CCDC88A: variants seen among roughly 807,000 people sequenced by gnomAD.
CCDC88A encodes girdin.
Under a neutral mutation model 234.3 loss-of-function variants are expected in CCDC88A, and 54 were observed. The ratio of observed to expected loss-of-function variants is 0.23; its 90% confidence interval spans 0.19 to 0.29. The LOEUF (loss-of-function observed/expected upper bound fraction) is 0.29. CCDC88A is among the 10% of genes least tolerant of loss of function. The pLI is 1.00. For missense variants in CCDC88A, 1,832 were observed against 2,123.4 expected (o/e 0.86, Z 2.70); for synonymous variants, 753 against 737.8 (o/e 1.02, Z -0.33).
chr2:55,309,604 G>A lies in CCDC88A; in HGVS notation c.4080-350C>T, dbSNP rs545843976. Among the ~76,000 whole-genome samples the A allele has an allele frequency of 5.3e-5, 8 of 152,034 alleles. No individual in the cohort carries two copies. Among genetic ancestry groups the A allele is most frequent in the Non-Finnish European group, 1.2e-4 (8 of 67,994 alleles). Reference sequence around the variant, plus strand: ...TTTTCTTTTCGGCAGAATTACTTAGGTTTGATTTACTTGTAGAGAACCATT... The same window carrying A: ...TTTTCTTTTCGGCAGAATTACTTAGATTTGATTTACTTGTAGAGAACCATT... On this transcript the variant is annotated intron_variant, in intron 23 of 32. Coordinates refer to ENST00000436346, the MANE Select transcript of CCDC88A (RefSeq NM_001365480.1). This position sits in a 1 kb window ranked among gnomAD's most constrained non-coding sequence, Gnocchi z 5.1.
At chr2:55,351,436 C>A (rs1669874032) in intron 8 of CCDC88A, among the ~76,000 whole-genome samples, 1 of 152,034 alleles carries the variant, frequency 6.6e-6, no homozygotes, top group Non-Finnish European at 1.5e-5. Context: ...CAGCCTTGAC[C>A]TCCTGGTTCA....
At chr2:55,377,481 T>G (rs1269567174) in intron 3 of CCDC88A, among the ~76,000 whole-genome samples, 1 of 151,630 alleles carries the variant, frequency 6.6e-6, no homozygotes, top group East Asian at 1.9e-4. Flanking sequence ...AAATCATAAA[T>G]AAGAGAGCTG....
chr2:55,397,355 A>T (rs560299576), intron 2 of CCDC88A: 1 of 152,180 alleles, frequency 6.6e-6, no homozygotes, highest in Non-Finnish European at 1.5e-5. Flanking sequence ...TTGGCCTCCC[A>T]AAGTGCTGGG....
intron 23 of CCDC88A, among the ~76,000 whole-genome samples, chr2:55,312,040 T>C (rs1682413148): frequency 6.6e-6 from 1 of 152,216 alleles, no homozygotes; most frequent in African/African-American, 2.4e-5. Context: ...TCTCCTGGGC[T>C]GGCATGCCTC....
intron 2 of CCDC88A, among the ~76,000 whole-genome samples, chr2:55,401,447 A>ATATGTGTGT (rs1553436256): frequency 1.8e-4 from 5 of 27,160 alleles, no homozygotes; most frequent in African/African-American, 4.5e-4. Context: ...AAAAAAAAAA[A>ATATGTGTGT]ATATATATAT....
Position 55,288,176 on chromosome 2 carries a change from T to C in CCDC88A, c.*3024A>G, listed in dbSNP as rs999384446. On this transcript the variant is annotated 3_prime_UTR_variant, in exon 33 of 33. Transcript: ENST00000436346. ...CCCTTAATAGAAAAGAAAAAGACAA[T>C]TTAAAATTAGATTTTGTTGAAGGGT... 1 of 152,640 alleles carries C rather than the reference T, an allele frequency of 6.6e-6. No individual in the cohort carries two copies. Among genetic ancestry groups the C allele is most frequent in the African/African-American group, 2.4e-5 (1 of 41,458 alleles). The allele number at this position is 152,640 out of a possible 1,614,324, so 9.5% of individuals were successfully genotyped here.
At chr2:55,384,863 G>A (rs1218421404) in intron 3 of CCDC88A, among the ~76,000 whole-genome samples, 5 of 151,480 alleles carry the variant, frequency 3.3e-5, no homozygotes, top group African/African-American at 7.3e-5. Flanking sequence ...CACCACGTTG[G>A]CCAGGCTGGT....
intron 18 of CCDC88A, among the ~76,000 whole-genome samples, chr2:55,321,537 G>C (rs1426468004): frequency 6.6e-6 from 1 of 151,328 alleles, no homozygotes; most frequent in Non-Finnish European, 1.5e-5. Flanking sequence ...GGGCGACAAA[G>C]TGAGACTCCG....
chr2:55,367,824 G>A (rs1443628655), intron 5 of CCDC88A, among the ~76,000 whole-genome samples: 1 of 151,754 alleles, frequency 6.6e-6, no homozygotes, highest in African/African-American at 2.4e-5. Flanking sequence ...TCCTTCTAAG[G>A]GTACATAAAA....
intron 4 of CCDC88A, among the ~76,000 whole-genome samples, chr2:55,374,255 C>G (rs1192690697): frequency 1.3e-5 from 2 of 152,206 alleles, no homozygotes; most frequent in Non-Finnish European, 1.5e-5. Flanking sequence ...ATAATTCCAG[C>G]TACTTGGGAG....
At chr2:55,355,984 T>A (rs919809519) in intron 7 of CCDC88A, 31 of 305,164 alleles carry the variant, frequency 1.0e-4, no homozygotes, top group Admixed American at 2.8e-4. Context: ...CTTCCTAGTT[T>A]TTTATTTATT....
At chr2:55,398,820 A>G (rs1049336121) in intron 2 of CCDC88A, among the ~76,000 whole-genome samples, 3 of 151,350 alleles carry the variant, frequency 2.0e-5, no homozygotes, top group Non-Finnish European at 4.4e-5. Flanking sequence ...GACTGTGATT[A>G]TACCATCGCA....
At chr2:55,377,143 AT>A (rs1440711875) in intron 3 of CCDC88A, among the ~76,000 whole-genome samples, 11 of 136,066 alleles carry the variant, frequency 8.1e-5, no homozygotes, top group African/African-American at 2.8e-4. Flanking sequence ...CTTCATTCGA[AT>A]TTTTAGTTTC....
chr2:55,402,078 T>C (rs1358200792), intron 2 of CCDC88A, among the ~76,000 whole-genome samples: 1 of 152,124 alleles, frequency 6.6e-6, no homozygotes, highest in East Asian at 1.9e-4. Context: ...GAACCCCTTT[T>C]TACTCTTTAA....
intron 5 of CCDC88A, among the ~76,000 whole-genome samples, chr2:55,371,959 T>C (rs1297104640): frequency 6.6e-6 from 1 of 152,214 alleles, no homozygotes; most frequent in Non-Finnish European, 1.5e-5. Context: ...ATAGCTATTA[T>C]TATAGTCATT....
At chr2:55,408,175 C>T (rs539161010) in intron 2 of CCDC88A, among the ~76,000 whole-genome samples, 1 of 152,002 alleles carries the variant, frequency 6.6e-6, no homozygotes, top group East Asian at 1.9e-4. Flanking sequence ...AATCTTGGTC[C>T]TAATCACTAT....
At chr2:55,404,003 T>A (rs901109645) in intron 2 of CCDC88A, 1 of 152,236 alleles carries the variant, frequency 6.6e-6, no homozygotes, top group African/African-American at 2.4e-5. Context: ...AGTGGGCTGA[T>A]ATACAGTCAC....
chr2:55,413,457 G>A (rs1224629649), intron 2 of CCDC88A, among the ~76,000 whole-genome samples: 2 of 152,128 alleles, frequency 1.3e-5, no homozygotes, highest in African/African-American at 4.8e-5. Context: ...GGAGATATTA[G>A]GCTCACATAC....
chr2:55,362,152 T>C, intron 7 of CCDC88A, 156 bp downstream of exon 7: 1 of 524,964 alleles, frequency 1.9e-6, no homozygotes, highest in Non-Finnish European at 3.3e-6. Flanking sequence ...TTGGGGTTCT[T>C]ATACATCCTT....
Sources: gnomAD v4.1 joint callset for allele counts (sites outside exome capture counted in the v4.1 genomes callset) on GRCh38, gnomAD v4.1.1 for gene constraint, Gnocchi (gnomAD v3.1) non-coding constraint, MANE v1.5 for transcripts, NCBI Gene and HGNC (gene_info 2026-07-23, HGNC 2026-07-21) for gene names.